STK11IP: variants seen among roughly 807,000 people sequenced by gnomAD.
The protein encoded by STK11IP is serine/threonine-protein kinase 11-interacting protein.
A neutral mutation model predicts 131.7 loss-of-function variants in STK11IP; 103 were observed. The ratio of observed to expected loss-of-function variants is 0.78; its 90% CI spans 0.67 to 0.92. The LOEUF is 0.92. Ranked by LOEUF, STK11IP falls within the 40% of genes least tolerant of loss-of-function variation. The probability of loss-of-function intolerance (pLI) is 0.00; values close to 1 mark genes in which losing one functional copy is unlikely to be tolerated. For missense variants in STK11IP, 1,315 were observed against 1,385.7 expected (o/e 0.95, Z 0.81); for synonymous variants, 557 against 575.6 (o/e 0.97, Z 0.46).
intron 15 of STK11IP, 36 bp downstream of exon 15, chr2:219,608,824 G>A (rs376099700): frequency 6.5e-7 from 1 of 1,547,586 alleles, no homozygotes; most frequent in East Asian, 2.4e-5. Flanking sequence ...GGAGGAGCCA[G>A]TTATGGGAAC....
intron 24 of STK11IP, 125 bp downstream of exon 24, chr2:219,615,466 G>T: frequency 7.6e-7 from 1 of 1,309,746 alleles, no homozygotes; most frequent in Non-Finnish European, 1.0e-6. Context: ...GGCACTTACA[G>T]ATGAGAGAAC....
chr2:219,614,370 C>T (rs1698505260), intron 22 of STK11IP, 106 bp from the exon 23 acceptor site: 1 of 1,507,824 alleles, frequency 6.6e-7, no homozygotes, highest in Non-Finnish European at 9.1e-7. Flanking sequence ...TTATGGGCCC[C>T]TAGTGTCTCC....
chr2:219,608,405 G>A lies in STK11IP; in HGVS notation c.1578G>A (p.Glu526=). Residue 526 remains glutamate, a synonymous_variant, in exon 14 of 25, where the codon GAG becomes GAA. Transcript: ENST00000456909. ...AGGAGGCAGGAGAGGAGGAAGAAGA[G>A]GAGCAGGACCAGAAGGAAGTGGAAG... The part of the protein sequence containing the change: ...GEEEAGEEEE[E]EQDQKEVEAE... The A allele has an allele frequency of 6.4e-7, 1 of 1,573,082 alleles. No individual in the cohort carries two copies. Among genetic ancestry groups the A allele is most frequent in the Non-Finnish European group, 8.6e-7 (1 of 1,159,584 alleles).
chr2:219,600,252 G>A (rs1010143332), intron 2 of STK11IP, among the ~76,000 whole-genome samples: 1 of 151,784 alleles, frequency 6.6e-6, no homozygotes, highest in African/African-American at 2.4e-5. Flanking sequence ...TTTTAGTAGA[G>A]ACGAGGTTAG....
chr2:219,615,453 G>T, intron 24 of STK11IP, 112 bp downstream of exon 24: 1 of 1,398,074 alleles, frequency 7.2e-7, no homozygotes. Context: ...TTGGTGGCAG[G>T]ATGGCACTTA....
At chr2:219,604,859 C>T (rs1034819849) in intron 7 of STK11IP, among the ~76,000 whole-genome samples, 9 of 150,964 alleles carry the variant, frequency 6.0e-5, no homozygotes, top group African/African-American at 1.5e-4. Flanking sequence ...GACAGAGTTT[C>T]GCTCTTGTTG....
chr2:219,601,796 T>C (rs1036635177), intron 4 of STK11IP, 81 bp downstream of exon 4: 9 of 1,490,334 alleles, frequency 6.0e-6, no homozygotes, highest in Non-Finnish European at 8.2e-6. Context: ...AAGAGCCTCT[T>C]TGGTGAGGAG....
intron 7 of STK11IP, among the ~76,000 whole-genome samples, chr2:219,603,730 C>T (rs1375289579): frequency 1.3e-5 from 2 of 151,932 alleles, no homozygotes; most frequent in Non-Finnish European, 2.9e-5. Context: ...CCATCTTAGC[C>T]AGGCTGGTCT....
chr2:219,602,026 A>G lies in STK11IP; in HGVS notation c.381A>G (p.Arg127=), dbSNP rs765786050. The G allele has an allele frequency of 4.3e-6, 7 of 1,611,782 alleles. No individual in the cohort carries two copies. In the East Asian group the frequency reaches 1.3e-4, roughly 31 times the overall value. The change falls in exon 5 of 25, where the codon CGA becomes CGG. Residue 127 remains arginine (R), a synonymous_variant. Transcript: ENST00000456909. ...GVPLHCLHGL[R]GIYSQLETLI... is the part of the protein sequence containing the mutation. ...CCCTCCACTGTCTGCATGGCCTCCG[A>G]GGCATCTACTCCCAGCTGGAGACCC...
rs1559188516 is a variant in STK11IP at position 219,614,223 on chromosome 2, A to AC, written c.2785dup (p.Gln929ProfsTer28). ...TGTCAGTGCCACAGAGGAGGAGGTC[A>AC]CCCCCCAGCACCGGCTCTGGTGAGT... is the stretch of plus-strand genomic sequence containing the variant. On this transcript the variant is annotated frameshift_variant, in exon 22 of 25. Transcript: ENST00000456909. LOFTEE classifies it high-confidence loss of function. The AC allele has an allele frequency of 1.2e-6, 2 of 1,613,174 alleles. No homozygotes were observed. The highest frequency in any genetic ancestry group is 2.2e-5 in the East Asian group (1 of 44,876).
At position 219,598,342 on chromosome 2, in the gene STK11IP, G is replaced by A. The variant is rs1479366494; in HGVS notation, c.61+162G>A. 9.0e-6 allele frequency: 5 copies of A among 554,018 alleles called. No homozygotes were observed. The East Asian group carries it at 1.7e-4, about 19-fold the overall frequency. 34.3% of individuals were successfully genotyped at this position (554,018 alleles called of 1,614,324 possible). ...TCCCAGGTTTGTTCGCCCTTACAGT[G>A]TCCTTTGCCTGTGATAGCCTAAACT... On this transcript the variant is annotated intron_variant, in intron 2 of 24. Coordinates refer to ENST00000456909, the MANE Select transcript of STK11IP (RefSeq NM_052902.4).
Position 219,613,851 on chromosome 2 carries a change from G to A in STK11IP, c.2637G>A (p.Glu879=), listed in dbSNP as rs775772716. The A allele has an allele frequency of 3.1e-6, 5 of 1,612,036 alleles. No homozygotes were observed. The highest frequency in any genetic ancestry group is 4.2e-6 in the Non-Finnish European group (5 of 1,179,596). Residue 879 remains glutamate (E), a synonymous_variant, in exon 21 of 25, where the codon GAG becomes GAA. Coordinates refer to ENST00000456909, the MANE Select transcript of STK11IP (RefSeq NM_052902.4). ...TGGCAGGCCAGAGCCTGCGGCTAGA[G>A]TGGGCAGCTGGGGCGGGCCGCTGTG... ...LGLAGQSLRL[E]WAAGAGRCVL... is the part of the protein sequence containing the mutation.
At chr2:219,598,569 A>G (rs1697876397) in intron 2 of STK11IP, 1 of 175,776 alleles carries the variant, frequency 5.7e-6, no homozygotes, top group South Asian at 1.8e-4. Context: ...GGGTTGGAAT[A>G]TCAACCCTCT....
At chr2:219,612,985 A>G in intron 19 of STK11IP, 143 bp from the exon 20 acceptor site, 1 of 628,146 alleles carries the variant, frequency 1.6e-6, no homozygotes, top group African/African-American at 1.8e-5. Context: ...GAGGCTGTCG[A>G]GTGTGAGGGA....
chr2:219,605,829 AG>A, intron 8 of STK11IP, 95 bp downstream of exon 8: 1 of 1,513,412 alleles, frequency 6.6e-7, no homozygotes, highest in Non-Finnish European at 9.0e-7. Context: ...GAGCCTTGAG[AG>A]GGCTTATGGG....
chr2:219,606,431 G>A (rs756046250), intron 10 of STK11IP, 45 bp from the exon 11 acceptor site: 1 of 1,596,168 alleles, frequency 6.3e-7, no homozygotes. Context: ...AGCTCAGCAG[G>A]ATGGGCCTAC....
At position 219,613,473 on chromosome 2, in the gene STK11IP, GTGGGGGGGAC is replaced by G. The variant is rs1698467594; in HGVS notation, c.2537+249_2537+258del. On this transcript the variant is annotated intron_variant, in intron 20 of 24. Transcript: ENST00000456909. Reference sequence around the variant, plus strand: ...GGTGAGTGGGGGGGAGGTGGGGTGAGTGGGGGGGACGTGGGGTGAGTGAAGGGGGAGATGG... The same window carrying G: ...GGTGAGTGGGGGGGAGGTGGGGTGAGGTGGGGTGAGTGAAGGGGGAGATGG... Among the ~76,000 whole-genome samples the G allele has an allele frequency of 3.1e-3, 42 of 13,652 alleles. 3 individuals carry two copies. Among genetic ancestry groups the G allele is most frequent in the African/African-American group, 0.013 (41 of 3,052 alleles). 9.0% of individuals were successfully genotyped at this position (13,652 alleles called of 152,430 possible). A position where few individuals can be genotyped will look rare whatever the true frequency, so the allele number is the denominator to read the frequency against.
intron 20 of STK11IP, 33 bp from the exon 21 acceptor site, chr2:219,613,719 G>A (rs1198601337): frequency 1.2e-6 from 2 of 1,611,864 alleles, no homozygotes; most frequent in Non-Finnish European, 1.7e-6. Flanking sequence ...CCACTCTCAT[G>A]CTTCTCCATT....
At chr2:219,605,376 T>C in intron 7 of STK11IP, 2 of 436,432 alleles carry the variant, frequency 4.6e-6, no homozygotes, top group Non-Finnish European at 8.2e-6. Flanking sequence ...CAGGCAGGAA[T>C]TTAAGGGGCT....
Sources: allele counts gnomAD v4.1 joint callset (sites outside exome capture counted in the v4.1 genomes callset), GRCh38; gene constraint gnomAD v4.1.1; transcripts MANE v1.5; gene names NCBI Gene and HGNC (gene_info 2026-07-23, HGNC 2026-07-21).